Variants in HIGD1A observed in about 807,000 individuals in gnomAD.
HIGD1A encodes the protein HIG1 hypoxia inducible domain family member 1A.
In HIGD1A, 8 loss-of-function variants were observed where a neutral mutation model predicts 11.3. The ratio of observed to expected loss-of-function variants is 0.71; its 90% CI spans 0.42 to 1.28. HIGD1A has a LOEUF of 1.28. Ranked by LOEUF, HIGD1A falls within the 50% of genes most tolerant of loss-of-function variation. HIGD1A has a pLI of 0.01. For missense variants in HIGD1A, 107 were observed against 118.8 expected (o/e 0.90, Z 0.46); for synonymous variants, 32 against 38.4 (o/e 0.83, Z 0.62).
At chr3:42,789,392 G>A (rs1700391778) in intron 2 of HIGD1A, among the ~76,000 whole-genome samples, 1 of 152,110 alleles carries the variant, frequency 6.6e-6, no homozygotes, top group Non-Finnish European at 1.5e-5. Flanking sequence ...TTGGCCAGGA[G>A]CAGTGGCTCA....
intron 1 of HIGD1A, among the ~76,000 whole-genome samples, chr3:42,795,966 A>C (rs572371260): frequency 6.6e-6 from 1 of 152,362 alleles, no homozygotes; most frequent in Non-Finnish European, 1.5e-5. Context: ...AATTAGTGTC[A>C]ATTACAATAA....
chr3:42,801,068 C>A (rs1231310402), intron 1 of HIGD1A, among the ~76,000 whole-genome samples: 4 of 152,146 alleles, frequency 2.6e-5, no homozygotes, highest in Non-Finnish European at 5.9e-5. Context: ...TTTTTTATGA[C>A]TCTGTCCCTA....
chr3:42,785,219 A>G lies in HIGD1A; in HGVS notation c.*52T>C. On this transcript the variant is annotated 3_prime_UTR_variant, in exon 4 of 4. Coordinates refer to ENST00000321331, the MANE Select transcript of HIGD1A (RefSeq NM_014056.4). ...AATAATAGGTAACTTTAATAATAAG[A>G]CATCTAACTAAAGCAAGCTCCTCCA... 1 of 1,355,362 alleles carries G rather than the reference A, an allele frequency of 7.4e-7. No individual in the cohort carries two copies. 84.0% of individuals were successfully genotyped at this position (1,355,362 alleles called of 1,614,324 possible).
chr3:42,789,170 A>T lies in HIGD1A; in HGVS notation c.98-3008T>A, dbSNP rs146392945. On this transcript the variant is annotated intron_variant, in intron 2 of 3. Transcript: ENST00000321331. ...ATTCTCCTGCCCCAGCTTCCCGAGTAGCTGGGATTACAGGAATGTGCCAAC... is the reference window on the plus strand; with the variant it reads ...ATTCTCCTGCCCCAGCTTCCCGAGTTGCTGGGATTACAGGAATGTGCCAAC... Among the ~76,000 whole-genome samples, 1,250 of 150,980 alleles carry T rather than the reference A, an allele frequency of 8.3e-3. 13 individuals are homozygous for T. Among genetic ancestry groups the T allele is most frequent in the African/African-American group, 0.028 (1,145 of 41,184 alleles).
intron 1 of HIGD1A, among the ~76,000 whole-genome samples, chr3:42,795,647 A>T (rs1471094782): frequency 6.6e-6 from 1 of 150,572 alleles, no homozygotes; most frequent in Non-Finnish European, 1.5e-5. Context: ...TTAAAACTCT[A>T]CCCTCTTTTT....
intron 2 of HIGD1A, 52 bp from the exon 3 acceptor site, chr3:42,786,214 AC>A: frequency 6.3e-7 from 1 of 1,581,862 alleles, no homozygotes; most frequent in South Asian, 1.1e-5. Context: ...GACCAAGATG[AC>A]TTTACCATCA....
In HIGD1A at chr3:42,790,156, A is replaced by T. The variant is rs150779609; in HGVS notation, c.98-3994T>A. ...AACAATTTTAAATCACATAAAAAAA[A>T]CTATACGCATAATTAGGAAGAAACT... On this transcript the variant is annotated intron_variant, in intron 2 of 3. Coordinates refer to ENST00000321331, the MANE Select transcript of HIGD1A (RefSeq NM_014056.4). 6.5e-3 allele frequency among the ~76,000 whole-genome samples: 994 copies of T among 152,328 alleles called. 9 individuals carry two copies. The highest frequency in any genetic ancestry group is 0.022 in the African/African-American group (919 of 41,562).
intron 2 of HIGD1A, among the ~76,000 whole-genome samples, chr3:42,791,949 A>C (rs1700426220): frequency 6.6e-6 from 1 of 152,244 alleles, no homozygotes; most frequent in African/African-American, 2.4e-5. Flanking sequence ...GTATATCTAC[A>C]AAATTAATGA....
rs927659759 is a variant in HIGD1A at position 42,784,568 on chromosome 3, T to C, written c.*703A>G. 6.6e-5 allele frequency: 10 copies of C among 152,656 alleles called. No individual in the cohort carries two copies. The highest frequency in any genetic ancestry group is 1.7e-4 in the African/African-American group (7 of 41,450). The allele number at this position is 152,656 out of a possible 1,614,324, so 9.5% of individuals were successfully genotyped here. A position where few individuals can be genotyped will look rare whatever the true frequency, so the allele number is the denominator to read the frequency against. On this transcript the variant is annotated 3_prime_UTR_variant, in exon 4 of 4. Coordinates refer to ENST00000321331, the MANE Select transcript of HIGD1A (RefSeq NM_014056.4). ...ACGTGTTCATTTACCTTTGCGTGAG[T>C]GCTTAAAATACATATTTCTATTTCA... is the stretch of plus-strand genomic sequence containing the variant.
rs796125779 is a variant in HIGD1A, at chr3:42,802,160, GTTT to G, written c.-23+2273_-23+2275del. On this transcript the variant is annotated intron_variant, in intron 1 of 3. Transcript: ENST00000321331. Reference sequence around the variant, plus strand: ...CTCCAACAGGTCAATGGAGCAAAAGGTTTTTTTTTTTTTCTCCTTTCAGGAGGG... The same window carrying G: ...CTCCAACAGGTCAATGGAGCAAAAGGTTTTTTTTTTCTCCTTTCAGGAGGG... Among the ~76,000 whole-genome samples the G allele has an allele frequency of 4.8e-5, 7 of 146,108 alleles. No individual in the cohort carries two copies. The East Asian group carries it at 1.4e-3, about 29-fold the overall frequency.
intron 1 of HIGD1A, among the ~76,000 whole-genome samples, chr3:42,800,195 T>C (rs879486948): frequency 6.6e-6 from 1 of 151,938 alleles, no homozygotes; most frequent in Non-Finnish European, 1.5e-5. Context: ...GGCATAGTGG[T>C]GTGCATGCCT....
chr3:42,788,976 T>C lies in HIGD1A; in HGVS notation c.98-2814A>G, dbSNP rs1700385339. On this transcript the variant is annotated intron_variant, in intron 2 of 3. Transcript: ENST00000321331. Reference sequence around the variant, plus strand: ...AATTCCTAAACCAAATACTAGCTTATCAACTTTAAAATGTATTAGAATAAT... The same window carrying C: ...AATTCCTAAACCAAATACTAGCTTACCAACTTTAAAATGTATTAGAATAAT... 2.0e-5 allele frequency among the ~76,000 whole-genome samples: 3 copies of C among 151,366 alleles called. No homozygotes were observed. The South Asian group carries it at 6.2e-4, about 32-fold the overall frequency.
At chr3:42,787,241 A>G (rs955451552) in intron 2 of HIGD1A, among the ~76,000 whole-genome samples, 6 of 152,106 alleles carry the variant, frequency 3.9e-5, no homozygotes, top group Non-Finnish European at 7.4e-5. Context: ...TGACAATGTA[A>G]AGATAACCAC....
intron 2 of HIGD1A, among the ~76,000 whole-genome samples, chr3:42,793,427 A>G (rs1018336431): frequency 6.6e-6 from 1 of 152,218 alleles, no homozygotes; most frequent in Non-Finnish European, 1.5e-5. Flanking sequence ...TCACATCAGT[A>G]CTGAAGAATT....
chr3:42,789,038 AT>A lies in HIGD1A; in HGVS notation c.98-2877del, dbSNP rs35390450. Among the ~76,000 whole-genome samples the A allele has an allele frequency of 5.0e-4, 57 of 113,932 alleles. No homozygotes were observed. In the East Asian group the frequency reaches 9.4e-3, roughly 19 times the overall value. The allele number at this position is 113,932 out of a possible 152,430, so 74.7% of individuals were successfully genotyped here. On this transcript the variant is annotated intron_variant, in intron 2 of 3. Coordinates refer to ENST00000321331, the MANE Select transcript of HIGD1A (RefSeq NM_014056.4). Reference sequence around the variant, plus strand: ...TGATCATTAGGTTTTTACTTTGGGAATTTTTTTTTTTTTTTTTTTTGAGACG... The same window carrying A: ...TGATCATTAGGTTTTTACTTTGGGAATTTTTTTTTTTTTTTTTTTGAGACG...
intron 2 of HIGD1A, among the ~76,000 whole-genome samples, chr3:42,792,229 C>T (rs904608710): frequency 6.6e-6 from 1 of 152,042 alleles, no homozygotes; most frequent in African/African-American, 2.4e-5. Context: ...CTTCAAAGTC[C>T]TTTAACTTCT....
In HIGD1A at chr3:42,785,449, C is replaced by T. The variant is rs934136374; in HGVS notation, c.233-129G>A. The T allele has an allele frequency of 4.3e-6, 3 of 692,326 alleles. No individual in the cohort carries two copies. The African/African-American group carries it at 5.4e-5, about 13-fold the overall frequency. The allele number at this position is 692,326 out of a possible 1,614,324, so 42.9% of individuals were successfully genotyped here. On this transcript the variant is annotated intron_variant, in intron 3 of 3. Transcript: ENST00000321331. ...GAATATTTACAAGGGGAATAAGACC[C>T]TAGGAAGCTTATACTCTTGCCTTCT...
At chr3:42,789,179 T>C (rs1308705923) in intron 2 of HIGD1A, among the ~76,000 whole-genome samples, 1 of 151,770 alleles carries the variant, frequency 6.6e-6, no homozygotes, top group African/African-American at 2.4e-5. Context: ...TAGCTGGGAT[T>C]ACAGGAATGT....
intron 1 of HIGD1A, among the ~76,000 whole-genome samples, chr3:42,803,099 C>A (rs1700589263): frequency 6.6e-6 from 1 of 152,168 alleles, no homozygotes; most frequent in African/African-American, 2.4e-5. Context: ...CTCATCCACC[C>A]ACAGTAGTTG....
Sources: gnomAD v4.1 joint callset for allele counts (sites outside exome capture counted in the v4.1 genomes callset) on GRCh38, gnomAD v4.1.1 for gene constraint, MANE v1.5 for transcripts, NCBI Gene and HGNC (gene_info 2026-07-23, HGNC 2026-07-21) for gene names.